The following RGPD8 variants were observed in gnomAD, a reference collection of about 807,000 sequenced individuals.
RGPD8 encodes the protein RANBP2 like and GRIP domain containing 8.
Under a neutral mutation model 89.1 loss-of-function variants are expected in RGPD8, and 15 were observed. That is an observed-to-expected ratio of 0.17 (90% CI 0.11 to 0.26). The LOEUF (loss-of-function observed/expected upper bound fraction) is 0.26, where lower values mean the gene tolerates loss of function less well. Ranked by LOEUF, RGPD8 falls within the 10% of genes least tolerant of loss-of-function variation. The pLI is 1.00. For synonymous variants in RGPD8, 62 were observed against 420.9 expected (o/e 0.15, Z 10.44); for missense variants, 178 against 1,179.6 (o/e 0.15, Z 12.44).
intron 22 of RGPD8, among the ~76,000 whole-genome samples, chr2:112,373,337 G>C (rs1247260901): frequency 6.6e-6 from 1 of 152,302 alleles, no homozygotes; most frequent in African/African-American, 2.4e-5. Context: ...ACGCTACTCT[G>C]AGCAGCTCAT....
intron 6 of RGPD8, among the ~76,000 whole-genome samples, chr2:112,415,307 C>T (rs1298595217): frequency 5.3e-5 from 8 of 152,326 alleles, no homozygotes; most frequent in Admixed American, 3.3e-4. Flanking sequence ...ATGGCATGAA[C>T]CTGGGAGGTT....
intron 9 of RGPD8, among the ~76,000 whole-genome samples, chr2:112,402,287 T>C (rs1678891359): frequency 3.3e-5 from 4 of 122,614 alleles, no homozygotes; most frequent in African/African-American, 1.0e-4. Flanking sequence ...GAAAATGTTA[T>C]GCGCAGTCAG....
intron 1 of RGPD8, among the ~76,000 whole-genome samples, chr2:112,429,119 G>A (rs1679902772): frequency 6.6e-6 from 1 of 151,756 alleles, no homozygotes; most frequent in Non-Finnish European, 1.5e-5. Context: ...ATAATAGCCA[G>A]TACAGAATGT....
chr2:112,415,902 A>G (rs1314052878), intron 6 of RGPD8, among the ~76,000 whole-genome samples: 1 of 151,098 alleles, frequency 6.6e-6, no homozygotes, highest in Non-Finnish European at 1.5e-5. Flanking sequence ...AGAGAGATTG[A>G]GACCATCCTG....
intron 1 of RGPD8, among the ~76,000 whole-genome samples, chr2:112,429,149 G>C (rs1314292269): frequency 6.6e-6 from 1 of 151,770 alleles, no homozygotes; most frequent in Admixed American, 6.6e-5. Context: ...GGCCGGGCGC[G>C]GTGGCTCACG....
In RGPD8 at chr2:112,423,792, C is replaced by T. The variant is rs541915433; in HGVS notation, c.140+448G>A. Among the ~76,000 whole-genome samples, 15 of 152,276 alleles carry T rather than the reference C, an allele frequency of 9.9e-5. No homozygotes were observed. In the South Asian group the frequency reaches 2.9e-3, roughly 29 times the overall value. ...AAATCAGAATCACCAAGCTTCTTAT[C>T]CCTAGGATAGAGCCTTACAGCATCA... On this transcript the variant is annotated intron_variant, in intron 2 of 22. Transcript: ENST00000302558.
At chr2:112,419,953 T>G in intron 4 of RGPD8, among the ~76,000 whole-genome samples, 1 of 122,212 alleles carries the variant, frequency 8.2e-6, no homozygotes, top group Non-Finnish European at 1.7e-5. Context: ...TACATGATTG[T>G]TCATAGCAGT....
chr2:112,370,375 T>A (rs1294950875), intron 22 of RGPD8, among the ~76,000 whole-genome samples, 163 bp from the exon 23 acceptor site: 92 of 144,302 alleles, frequency 6.4e-4, no homozygotes, highest in African/African-American at 2.3e-3. Context: ...TTTTTTTTTT[T>A]TTTTTTTTTT....
At chr2:112,422,764 T>C in intron 2 of RGPD8, 105 bp from the exon 3 acceptor site, 2 of 544,372 alleles carry the variant, frequency 3.7e-6, no homozygotes, top group East Asian at 3.0e-5. Context: ...AACTCGTTTA[T>C]ATTGTTACTC....
intron 20 of RGPD8, among the ~76,000 whole-genome samples, chr2:112,381,343 TAAG>T (rs1678292982): frequency 9.6e-6 from 1 of 103,884 alleles, no homozygotes; most frequent in Non-Finnish European, 2.1e-5. Context: ...TGTTCCCTCA[TAAG>T]AATCTTCTAT....
rs1168507298 is a variant in RGPD8 at position 112,416,088 on chromosome 2, CAAAAAAAAAAAAAA to C, written c.782+1091_782+1104del. Among the ~76,000 whole-genome samples, 6 of 88,902 alleles carry C rather than the reference CAAAAAAAAAAAAAA, an allele frequency of 6.7e-5. No homozygotes were observed. The East Asian group carries it at 1.1e-3, about 16-fold the overall frequency. 58.3% of individuals were successfully genotyped at this position (88,902 alleles called of 152,430 possible). On this transcript the variant is annotated intron_variant, in intron 6 of 22. Transcript: ENST00000302558. ...CTGGTGACAGAGCAAGACTCCATCT[CAAAAAAAAAAAAAA>C]AAAAAAAAAGAAAGAAAGAAAAAAA...
Position 112,409,498 on chromosome 2 carries a change from T to C in RGPD8, c.978+2933A>G, listed in dbSNP as rs368073541. ...TGGATTAAGAGGGAAACTAACTTATTATGATTAAAAGTTCACAGTCAGGTG... is the reference window on the plus strand; with the variant it reads ...TGGATTAAGAGGGAAACTAACTTATCATGATTAAAAGTTCACAGTCAGGTG... On this transcript the variant is annotated intron_variant, in intron 7 of 22. Transcript: ENST00000302558. 5.6e-4 allele frequency among the ~76,000 whole-genome samples: 78 copies of C among 139,818 alleles called. 3 individuals carry two copies. In the East Asian group the frequency reaches 0.011, roughly 20 times the overall value. The allele number at this position is 139,818 out of a possible 152,430, so 91.7% of individuals were successfully genotyped here. A position where few individuals can be genotyped will look rare whatever the true frequency, so the allele number is the denominator to read the frequency against.
At chr2:112,415,952 T>C (rs1256705966) in intron 6 of RGPD8, among the ~76,000 whole-genome samples, 1 of 151,848 alleles carries the variant, frequency 6.6e-6, no homozygotes, top group Non-Finnish European at 1.5e-5. Context: ...TAGCTGGGCG[T>C]AGTGGTGTGT....
chr2:112,430,823 G>A (rs1192615406), intron 1 of RGPD8, among the ~76,000 whole-genome samples: 1 of 151,996 alleles, frequency 6.6e-6, no homozygotes, highest in Non-Finnish European at 1.5e-5. Context: ...CGGGCATGGT[G>A]GCGCATGCCT....
chr2:112,374,933 G>T (rs1678080217), intron 22 of RGPD8, among the ~76,000 whole-genome samples: 1 of 138,312 alleles, frequency 7.2e-6, no homozygotes, highest in South Asian at 2.5e-4. Flanking sequence ...CACCATCTCG[G>T]CTCACTGCAA....
Position 112,429,595 on chromosome 2 carries a change from A to G in RGPD8, c.72+3787T>C, listed in dbSNP as rs549328555. ...TGCCTGTAGTCCTAAGTACTCAGGA[A>G]ACAGAGGTAGGAGGATCATTTACGC... is the stretch of plus-strand genomic sequence containing the variant. On this transcript the variant is annotated intron_variant, in intron 1 of 22. Transcript: ENST00000302558. 5.0e-3 allele frequency among the ~76,000 whole-genome samples: 756 copies of G among 152,106 alleles called. 2 individuals are homozygous for G. Among genetic ancestry groups the G allele is most frequent in the Non-Finnish European group, 8.4e-3 (573 of 67,990 alleles).
intron 6 of RGPD8, among the ~76,000 whole-genome samples, chr2:112,414,808 CA>C (rs1679318200): frequency 1.1e-5 from 1 of 88,192 alleles, no homozygotes; most frequent in African/African-American, 5.2e-5. Flanking sequence ...ATCACAAGGT[CA>C]GGATATCAAG....
chr2:112,430,171 A>G (rs1471247092), intron 1 of RGPD8, among the ~76,000 whole-genome samples: 1 of 152,146 alleles, frequency 6.6e-6, no homozygotes, highest in East Asian at 1.9e-4. Context: ...TGATATACAG[A>G]CGCATCATCA....
At chr2:112,432,415 T>TG in intron 1 of RGPD8, 3 of 888,896 alleles carry the variant, frequency 3.4e-6, no homozygotes, top group Non-Finnish European at 4.0e-6. Flanking sequence ...AGGAGTGGAG[T>TG]GGAGCTGGAC....
Sources: gnomAD v4.1 joint callset for allele counts (sites outside exome capture counted in the v4.1 genomes callset) on GRCh38, gnomAD v4.1.1 for gene constraint, MANE v1.5 for transcripts, NCBI Gene and HGNC (gene_info 2026-07-23, HGNC 2026-07-21) for gene names.